The following NFATC2 variants were observed in gnomAD, a reference collection of about 807,000 sequenced individuals.
NFATC2 encodes nuclear factor of activated T-cells, cytoplasmic 2.
Under a neutral mutation model 87.3 loss-of-function variants are expected in NFATC2, and 22 were observed. The observed-to-expected ratio is 0.25, with a 90% confidence interval of 0.18 to 0.36. NFATC2 has a LOEUF of 0.36. NFATC2 is among the 10% of genes least tolerant of loss of function. The pLI is 1.00. For missense variants in NFATC2, 1,149 were observed against 1,259.1 expected (o/e 0.91, Z 1.32); for synonymous variants, 565 against 542.2 (o/e 1.04, Z -0.58).
rs1169081546 is a variant in NFATC2 at position 51,396,034 on chromosome 20, GTATGTATATA to G, written c.*44+2599_*44+2608del. Among the ~76,000 whole-genome samples the G allele has an allele frequency of 3.2e-4, 40 of 126,506 alleles. 2 individuals are homozygous for G. Among genetic ancestry groups the G allele is most frequent in the African/African-American group, 9.9e-4 (35 of 35,496 alleles). The allele number at this position is 126,506 out of a possible 152,430, so 83.0% of individuals were successfully genotyped here. ...AAGAGCTGTAGTTTGTCAGCTCCTA[GTATGTATATA>G]TATATATATATATATATATATATAT... On this transcript the variant is annotated intron_variant, in intron 10 of 10. Transcript: ENST00000371564.
chr20:51,438,589 G>A (rs1983904134), intron 6 of NFATC2, among the ~76,000 whole-genome samples: 1 of 152,174 alleles, frequency 6.6e-6, no homozygotes, highest in Non-Finnish European at 1.5e-5. Flanking sequence ...ACCAATAAGT[G>A]GCAGATGAAA....
chr20:51,458,373 T>C (rs73615392), intron 5 of NFATC2, among the ~76,000 whole-genome samples: 15,175 of 152,030 alleles, frequency 0.1, 1,278 homozygotes, highest in African/African-American at 0.22. Context: ...CAAGATTGTC[T>C]CCAGACAAGG....
chr20:51,421,540 G>A (rs1032042560), intron 9 of NFATC2, among the ~76,000 whole-genome samples: 20 of 152,278 alleles, frequency 1.3e-4, no homozygotes, highest in African/African-American at 3.9e-4. Context: ...ACCTATCGTC[G>A]GAAGACAAAA....
intron 1 of NFATC2, among the ~76,000 whole-genome samples, chr20:51,549,163 G>A (rs999085765): frequency 4.6e-5 from 7 of 151,930 alleles, no homozygotes; most frequent in South Asian, 2.1e-4. Context: ...GCAAGACCCC[G>A]TCTCCAAAAC....
intron 3 of NFATC2, among the ~76,000 whole-genome samples, chr20:51,487,119 C>T (rs1434168128): frequency 6.6e-6 from 1 of 152,194 alleles, no homozygotes; most frequent in Non-Finnish European, 1.5e-5. Context: ...ACTCAGGACA[C>T]TGACCTGATA....
At chr20:51,551,162 T>A (rs1345133229) in intron 1 of NFATC2, among the ~76,000 whole-genome samples, 1 of 152,172 alleles carries the variant, frequency 6.6e-6, no homozygotes, top group African/African-American at 2.4e-5. Flanking sequence ...CCAGCAAGGC[T>A]GGCACTAAGG....
chr20:51,515,803 A>G (rs1483018182), intron 3 of NFATC2, among the ~76,000 whole-genome samples: 1 of 151,882 alleles, frequency 6.6e-6, no homozygotes, highest in Non-Finnish European at 1.5e-5. Flanking sequence ...GCTGTTTTTC[A>G]TTTGTTTGTT....
chr20:51,561,969 A>G (rs896061377), intron 1 of NFATC2, among the ~76,000 whole-genome samples: 2 of 152,114 alleles, frequency 1.3e-5, no homozygotes, highest in African/African-American at 4.8e-5. Flanking sequence ...CAGATCCCCA[A>G]ACAAACTGAT....
At chr20:51,464,364 A>G (rs1222327198) in intron 5 of NFATC2, among the ~76,000 whole-genome samples, 1 of 152,184 alleles carries the variant, frequency 6.6e-6, no homozygotes, top group East Asian at 1.9e-4. Flanking sequence ...CATTTTACAG[A>G]TAGGGAAAGC....
At chr20:51,494,461 T>C (rs1007410736) in intron 3 of NFATC2, among the ~76,000 whole-genome samples, 2 of 152,100 alleles carry the variant, frequency 1.3e-5, no homozygotes, top group African/African-American at 2.4e-5. Flanking sequence ...CTTGAGGGGC[T>C]CCCCACTCCT....
At chr20:51,438,646 G>A (rs1983912025) in intron 6 of NFATC2, among the ~76,000 whole-genome samples, 1 of 152,140 alleles carries the variant, frequency 6.6e-6, no homozygotes, top group African/African-American at 2.4e-5. Flanking sequence ...TCACCAAGAG[G>A]AGAGTTCTCA....
At chr20:51,519,458 CA>C (rs34825072) in intron 2 of NFATC2, among the ~76,000 whole-genome samples, 47,525 of 124,544 alleles carry the variant, frequency 0.38, 8,814 homozygotes, top group Non-Finnish European at 0.47. Context: ...ACTAAAAATA[CA>C]AAAAAAAAAA....
upstream of NFATC2, among the ~76,000 whole-genome samples, chr20:51,544,521 G>T (rs2076873620): frequency 6.6e-6 from 1 of 152,132 alleles, no homozygotes; most frequent in Non-Finnish European, 1.5e-5. Context: ...TATTTATTGA[G>T]CACCTGCCTG....
intron 3 of NFATC2, among the ~76,000 whole-genome samples, chr20:51,501,996 C>T (rs1055556774): frequency 2.6e-5 from 4 of 152,112 alleles, no homozygotes; most frequent in East Asian, 1.9e-4. Flanking sequence ...GCAGGTGATG[C>T]GCCGAATTTG....
At chr20:51,392,826 C>A (rs902742274) in intron 10 of NFATC2, among the ~76,000 whole-genome samples, 1 of 152,186 alleles carries the variant, frequency 6.6e-6, no homozygotes, top group African/African-American at 2.4e-5. Flanking sequence ...GTGCTTTTCG[C>A]TGGAAAACCC....
intron 10 of NFATC2, among the ~76,000 whole-genome samples, chr20:51,395,811 G>A (rs1285673454): frequency 6.6e-6 from 1 of 151,422 alleles, no homozygotes; most frequent in Non-Finnish European, 1.5e-5. Context: ...AATGGCTATA[G>A]ACACAAAATG....
rs73913462 is a variant in NFATC2 at position 51,522,850 on chromosome 20, T to C, written c.1160+231A>G. The stretch of plus-strand genomic sequence containing the variant: ...TACATTTATCATGACTGCATCCTCA[T>C]AGCCACCTGGTGAGTCAGGTACACG... On this transcript the variant is annotated intron_variant, in intron 2 of 10. Coordinates refer to ENST00000371564, the MANE Select transcript of NFATC2 (RefSeq NM_012340.5). 7.0e-3 allele frequency among the ~76,000 whole-genome samples: 1,073 copies of C among 152,332 alleles called. 11 individuals carry two copies. The highest frequency in any genetic ancestry group is 0.025 in the African/African-American group (1,034 of 41,582).
intron 3 of NFATC2, among the ~76,000 whole-genome samples, chr20:51,490,900 C>T (rs1448516700): frequency 6.6e-6 from 1 of 152,230 alleles, no homozygotes; most frequent in African/African-American, 2.4e-5. Flanking sequence ...ATTCAAAGTA[C>T]AGCAGAGGAG....
chr20:51,511,582 C>A (rs2076272080), intron 3 of NFATC2, among the ~76,000 whole-genome samples: 1 of 152,238 alleles, frequency 6.6e-6, no homozygotes, highest in Non-Finnish European at 1.5e-5. Flanking sequence ...CACTTTCTTT[C>A]CCAAGTCCTT....
Sources: gnomAD v4.1 joint callset for allele counts (sites outside exome capture counted in the v4.1 genomes callset) on GRCh38, gnomAD v4.1.1 for gene constraint, MANE v1.5 for transcripts, NCBI Gene and HGNC (gene_info 2026-07-23, HGNC 2026-07-21) for gene names.